Variants in KIAA0586 observed in about 807,000 individuals in gnomAD.
KIAA0586 encodes the protein KIAA0586, also known as protein TALPID3.
A neutral mutation model predicts 169.8 loss-of-function variants in KIAA0586; 144 were observed. The ratio of observed to expected loss-of-function variants is 0.85; its 90% CI spans 0.74 to 0.97. The LOEUF (loss-of-function observed/expected upper bound fraction) is 0.97. KIAA0586 is among the 50% of genes least tolerant of loss of function. KIAA0586 has a pLI of 0.00. For missense variants in KIAA0586, 1,854 were observed against 1,823.0 expected, an observed-to-expected ratio of 1.02 and a Z score of -0.31; for synonymous variants, 625 against 612.4, an observed-to-expected ratio of 1.02 and a Z score of -0.30.
intron 3 of KIAA0586, among the ~76,000 whole-genome samples, chr14:58,431,532 G>A (rs975699966): frequency 6.6e-6 from 1 of 152,146 alleles, no homozygotes; most frequent in Non-Finnish European, 1.5e-5. Context: ...CTCCTAAAGT[G>A]TTGGGATTAC....
Position 58,470,739 on chromosome 14 carries a change from T to C in KIAA0586, c.2553+16T>C. ...TTGGATAAAGGTATATTTCAGAATT[T>C]TATCATATTATTTTGAGTAATGTCT... On this transcript the variant is annotated intron_variant, in intron 17 of 30. Transcript: ENST00000652326. 1 of 1,289,164 alleles carries C rather than the reference T, an allele frequency of 7.8e-7. No individual in the cohort carries two copies. Among genetic ancestry groups the C allele is most frequent in the Non-Finnish European group, 1.1e-6 (1 of 886,752 alleles). 79.9% of individuals were successfully genotyped at this position (1,289,164 alleles called of 1,614,324 possible).
intron 30 of KIAA0586, 73 bp from the exon 31 acceptor site, chr14:58,547,708 A>G (rs1211661985): frequency 1.7e-6 from 2 of 1,183,320 alleles, no homozygotes; most frequent in Non-Finnish European, 2.3e-6. Context: ...ACCTCATATT[A>G]TTTCGCAAAG....
intron 30 of KIAA0586, among the ~76,000 whole-genome samples, chr14:58,544,830 T>A (rs2046883569): frequency 1.3e-5 from 2 of 152,368 alleles, no homozygotes; most frequent in South Asian, 4.1e-4. Flanking sequence ...GCCCTGGCCT[T>A]GCTTATCTCA....
chr14:58,448,574 C>T (rs1469691478), intron 7 of KIAA0586, 81 bp downstream of exon 7: 12 of 969,298 alleles, frequency 1.2e-5, no homozygotes, highest in Non-Finnish European at 1.7e-5. Context: ...AACATATTTC[C>T]TGAGCAGTAG....
chr14:58,558,865 C>T, the KIAA0586 span, among the ~76,000 whole-genome samples: 1 of 152,218 alleles, frequency 6.6e-6, no homozygotes, highest in Non-Finnish European at 1.5e-5. Flanking sequence ...GCAACAACAA[C>T]AACAATAGAA....
chr14:58,508,965 C>T (rs886141543), intron 28 of KIAA0586, among the ~76,000 whole-genome samples: 3 of 152,172 alleles, frequency 2.0e-5, no homozygotes, highest in Admixed American at 6.5e-5. Flanking sequence ...TGCAATGGCT[C>T]ACACCTGTAA....
At chr14:58,427,500 T>TA, upstream of KIAA0586, 1 of 1,247,386 alleles carries the variant, frequency 8.0e-7, no homozygotes, top group South Asian at 1.3e-5. Flanking sequence ...GATGAGACTG[T>TA]AGAGCGGTCT....
intron 21 of KIAA0586, among the ~76,000 whole-genome samples, chr14:58,483,523 C>G (rs974655329): frequency 4.6e-5 from 7 of 151,978 alleles, no homozygotes; most frequent in African/African-American, 1.7e-4. Context: ...AATATAGAGA[C>G]CATATTTAGA....
intron 20 of KIAA0586, among the ~76,000 whole-genome samples, chr14:58,478,531 T>G (rs1453138944): frequency 6.6e-6 from 1 of 152,106 alleles, no homozygotes; most frequent in African/African-American, 2.4e-5. Flanking sequence ...GGGGTCTTGC[T>G]ATATTGCCCA....
In KIAA0586 at chr14:58,508,601, G is replaced by A. The variant is rs1379141662; in HGVS notation, c.4215G>A (p.Leu1405=). 1.3e-6 allele frequency: 2 copies of A among 1,598,110 alleles called. No individual in the cohort carries two copies. The highest frequency in any genetic ancestry group is 2.2e-5 in the East Asian group (1 of 44,456). ...DSCASHGPMS[L]GELELEPNSK... ...GTGCTAGTCATGGTCCAATGAGTTT[G>A]GGAGAATTGGAGTTGGAGCCAAATT... Residue 1405 remains leucine, a synonymous_variant, in exon 28 of 31, where the codon TTG becomes TTA. Transcript: ENST00000652326.
Position 58,549,448 on chromosome 14 carries a change from G to A in KIAA0586, c.*1516G>A, listed in dbSNP as rs1030184109. On this transcript the variant is annotated 3_prime_UTR_variant, in exon 31 of 31. Transcript: ENST00000652326. ...AAACTTCTAGTAGGAGCCATTGCCT[G>A]GGGATTTTTTTTCTCACTGAACATA... The A allele has an allele frequency of 4.6e-5, 7 of 152,104 alleles. No individual in the cohort carries two copies. The highest frequency in any genetic ancestry group is 1.2e-4 in the African/African-American group (5 of 41,418). The allele number at this position is 152,104 out of a possible 1,614,324, so 9.4% of individuals were successfully genotyped here.
Position 58,499,551 on chromosome 14 carries a change from C to CTATTTTATTT in KIAA0586, c.4168+603_4168+612dup, listed in dbSNP as rs749688996. On this transcript the variant is annotated intron_variant, in intron 27 of 30. Transcript: ENST00000652326. ...ACAGGTGTGAGCCACCGCGCCTAGCCTATTTTATTTTATTTTATTTTTTTG... is the reference window on the plus strand; with the variant it reads ...ACAGGTGTGAGCCACCGCGCCTAGCCTATTTTATTTTATTTTATTTTATTTTATTTTTTTG... 5.3e-5 allele frequency among the ~76,000 whole-genome samples: 8 copies of CTATTTTATTT among 150,432 alleles called. No homozygotes were observed. The South Asian group carries it at 1.7e-3, about 32-fold the overall frequency.
the KIAA0586 span, among the ~76,000 whole-genome samples, chr14:58,557,984 A>G: frequency 5.5e-5 from 7 of 126,210 alleles, no homozygotes; most frequent in East Asian, 2.3e-4. Flanking sequence ...ATCTTGGCTC[A>G]CTAAAACCTC....
intron 25 of KIAA0586, 134 bp from the exon 26 acceptor site, chr14:58,492,010 A>G: frequency 1.6e-6 from 1 of 625,056 alleles, no homozygotes; most frequent in Non-Finnish European, 2.6e-6. Flanking sequence ...GATGAAAATA[A>G]AGAGTTCATC....
chr14:58,542,471 C>T (rs925084157), intron 30 of KIAA0586, among the ~76,000 whole-genome samples: 17 of 149,300 alleles, frequency 1.1e-4, no homozygotes, highest in African/African-American at 3.2e-4. Flanking sequence ...AGCGATACTC[C>T]GTCTCAAAAA....
chr14:58,462,291 A>G (rs1461554171), intron 14 of KIAA0586, among the ~76,000 whole-genome samples: 1 of 133,078 alleles, frequency 7.5e-6, no homozygotes, highest in Non-Finnish European at 1.5e-5. Flanking sequence ...TCTGTCATCC[A>G]GGCTGGAGTG....
At chr14:58,556,839 G>A in the KIAA0586 span, among the ~76,000 whole-genome samples, 12 of 152,206 alleles carry the variant, frequency 7.9e-5, no homozygotes, top group Non-Finnish European at 1.6e-4. Flanking sequence ...TCCACCTCCT[G>A]GGTTCAGGCG....
At position 58,466,166 on chromosome 14, in the gene KIAA0586, T is replaced by A; in HGVS notation, c.2254+137T>A. On this transcript the variant is annotated intron_variant, in intron 15 of 30. Coordinates refer to ENST00000652326, the MANE Select transcript of KIAA0586 (RefSeq NM_001329943.3). ...CCTGGACTCAAGCAGTCCACCCACC[T>A]CAACCTCTCAAAGTGCTGGGATTAC... is the stretch of plus-strand genomic sequence containing the variant. The A allele has an allele frequency of 1.2e-5, 7 of 594,756 alleles. No individual in the cohort carries two copies. In the South Asian group the frequency reaches 1.7e-4, roughly 15 times the overall value. The allele number at this position is 594,756 out of a possible 1,614,324, so 36.8% of individuals were successfully genotyped here.
chr14:58,501,590 A>T (rs942187393), intron 27 of KIAA0586, among the ~76,000 whole-genome samples: 1 of 116,068 alleles, frequency 8.6e-6, no homozygotes, highest in Admixed American at 9.7e-5. Context: ...TGCATTTTTA[A>T]TCTTAGGTAC....
Sources: allele counts gnomAD v4.1 joint callset (sites outside exome capture counted in the v4.1 genomes callset), GRCh38; gene constraint gnomAD v4.1.1; transcripts MANE v1.5; gene names NCBI Gene and HGNC (gene_info 2026-07-23, HGNC 2026-07-21).